Variants in MGAT4C observed in about 807,000 individuals in gnomAD.
MGAT4C encodes the protein MGAT4 family member C.
Under a neutral mutation model 40.1 loss-of-function variants are expected in MGAT4C, and 19 were observed. That is an observed-to-expected ratio of 0.47 (90% confidence interval 0.33 to 0.70). The LOEUF (loss-of-function observed/expected upper bound fraction) is 0.70, where lower values mean the gene tolerates loss of function less well. Ranked by LOEUF, MGAT4C falls within the 30% of genes least tolerant of loss-of-function variation. The pLI, the probability that MGAT4C is intolerant of heterozygous loss-of-function variation, is 0.02. For synonymous variants in MGAT4C, 181 were observed against 187.1 expected (o/e 0.97, Z 0.27); for missense variants, 491 against 563.2 (o/e 0.87, Z 1.30).
chr12:85,975,587 G>C lies in MGAT4C; in HGVS notation c.*3702C>G, dbSNP rs1883913050. On this transcript the variant is annotated 3_prime_UTR_variant, in exon 5 of 5. Coordinates refer to ENST00000611864, the MANE Select transcript of MGAT4C (RefSeq NM_001351288.2). Reference sequence around the variant, plus strand: ...AACCTTCTGTTTTGTCTCCCATGAAGACAAAAGGCATGCATATAAAATTTG... The same window carrying C: ...AACCTTCTGTTTTGTCTCCCATGAACACAAAAGGCATGCATATAAAATTTG... 6.6e-6 allele frequency: 1 copy of C among 150,804 alleles called. No individual in the cohort carries two copies. Among genetic ancestry groups the C allele is most frequent in the South Asian group, 2.1e-4 (1 of 4,828 alleles). 9.3% of individuals were successfully genotyped at this position (150,804 alleles called of 1,614,324 possible). A position where few individuals can be genotyped will look rare whatever the true frequency, so the allele number is the denominator to read the frequency against.
intron 1 of MGAT4C, among the ~76,000 whole-genome samples, chr12:86,106,040 T>C (rs1046977111): frequency 6.6e-6 from 1 of 152,182 alleles, no homozygotes; most frequent in Admixed American, 6.5e-5. Flanking sequence ...AGTGCTATAT[T>C]CTTTCTAGTT....
chr12:86,492,597 T>C (rs1958159769), intron 2 of MGAT4C, among the ~76,000 whole-genome samples: 1 of 152,196 alleles, frequency 6.6e-6, no homozygotes, highest in Admixed American at 6.5e-5. Flanking sequence ...TAGCCATATG[T>C]AGAAAGCTGA....
At chr12:86,454,122 G>T (rs1238908797) in intron 2 of MGAT4C, among the ~76,000 whole-genome samples, 1 of 152,090 alleles carries the variant, frequency 6.6e-6, no homozygotes, top group Non-Finnish European at 1.5e-5. Context: ...ATTTTTTCCA[G>T]AAAAGAAACT....
At chr12:86,125,573 A>G (rs1880093500) in intron 1 of MGAT4C, among the ~76,000 whole-genome samples, 1 of 152,192 alleles carries the variant, frequency 6.6e-6, no homozygotes, top group Non-Finnish European at 1.5e-5. Context: ...CAAACAGTAA[A>G]ACTACTAGAC....
intron 3 of MGAT4C, among the ~76,000 whole-genome samples, chr12:86,426,820 G>A (rs569389854): frequency 3.3e-5 from 5 of 152,204 alleles, no homozygotes; most frequent in South Asian, 4.1e-4. Flanking sequence ...GGTGGCGGGC[G>A]CCTGTAGTCC....
In MGAT4C at chr12:86,111,106, A is replaced by G. The variant is rs371016150; in HGVS notation, c.-56-61383T>C. On this transcript the variant is annotated intron_variant, in intron 1 of 4. Coordinates refer to ENST00000611864, the MANE Select transcript of MGAT4C (RefSeq NM_001351288.2). Reference sequence around the variant, plus strand: ...AAGTAACTTTTATAGTTTTTAAACCATAGAAAGTTTCTGGCATTTTAGGGA... The same window carrying G: ...AAGTAACTTTTATAGTTTTTAAACCGTAGAAAGTTTCTGGCATTTTAGGGA... Among the ~76,000 whole-genome samples, 13 of 151,974 alleles carry G rather than the reference A, an allele frequency of 8.6e-5. No individual in the cohort carries two copies. In the East Asian group the frequency reaches 2.1e-3, roughly 25 times the overall value.
intron 2 of MGAT4C, among the ~76,000 whole-genome samples, chr12:86,439,457 C>G (rs1268553574): frequency 6.6e-5 from 10 of 152,030 alleles, no homozygotes; most frequent in African/African-American, 2.4e-4. Context: ...TTATCAAAAC[C>G]TCTGTGATAC....
intron 2 of MGAT4C, among the ~76,000 whole-genome samples, chr12:86,684,564 G>C (rs927290131): frequency 9.2e-5 from 14 of 152,190 alleles, no homozygotes; most frequent in African/African-American, 3.4e-4. Context: ...GGATTGGTAT[G>C]TCAAATGGTA....
At position 86,474,683 on chromosome 12, in the gene MGAT4C, C is replaced by CT. The variant is rs544380561; in HGVS notation, c.-228-39419dup. 1.6e-3 allele frequency among the ~76,000 whole-genome samples: 235 copies of CT among 147,252 alleles called. 1 individual carries two copies. Among genetic ancestry groups the CT allele is most frequent in the Middle Eastern group, 7.0e-3 (2 of 286 alleles). ...TTCATACTCTGGCTTTTCAGGTTTT[C>CT]TTTTTTTTTTATAAGAAAGCCCATC... On this transcript the variant is annotated intron_variant, in intron 2 of 7. Coordinates refer to the MGAT4C transcript ENST00000548651.
chr12:86,042,068 G>T (rs550495109), intron 2 of MGAT4C, among the ~76,000 whole-genome samples: 1 of 152,104 alleles, frequency 6.6e-6, no homozygotes, highest in East Asian at 1.9e-4. Context: ...TATGTAATAC[G>T]CTTCTTTGTC....
intron 1 of MGAT4C, among the ~76,000 whole-genome samples, chr12:86,211,406 C>CAAAAAAAAAAAAAAAAAAAA (rs58874795): frequency 2.8e-5 from 1 of 35,516 alleles, no homozygotes; most frequent in Non-Finnish European, 4.5e-5. Flanking sequence ...ACTACAAATA[C>CAAAAAAAAAAAAAAAAAAAA]AAAAAAAAAA....
At chr12:86,440,867 T>C (rs895689390) in intron 2 of MGAT4C, among the ~76,000 whole-genome samples, 2 of 151,880 alleles carry the variant, frequency 1.3e-5, no homozygotes, top group Non-Finnish European at 2.9e-5. Flanking sequence ...ACTCAATCCC[T>C]TTTACAATAA....
chr12:86,643,671 A>C (rs906924130), intron 2 of MGAT4C, among the ~76,000 whole-genome samples: 4 of 151,870 alleles, frequency 2.6e-5, no homozygotes, highest in Non-Finnish European at 5.9e-5. Context: ...TAGGTTTACA[A>C]GGAGGCCTGG....
At chr12:85,985,279 T>G (rs968936925) in intron 3 of MGAT4C, among the ~76,000 whole-genome samples, 1 of 152,184 alleles carries the variant, frequency 6.6e-6, no homozygotes, top group Non-Finnish European at 1.5e-5. Context: ...ATTCAATACT[T>G]CTACTTCGCA....
At chr12:86,648,667 G>T (rs76837555) in intron 2 of MGAT4C, among the ~76,000 whole-genome samples, 1 of 151,816 alleles carries the variant, frequency 6.6e-6, no homozygotes, top group Non-Finnish European at 1.5e-5. Context: ...TGAACGTCCC[G>T]GACTCCTGAA....
At chr12:86,433,554 A>G (rs1957082749) in intron 3 of MGAT4C, among the ~76,000 whole-genome samples, 1 of 151,968 alleles carries the variant, frequency 6.6e-6, no homozygotes, top group Admixed American at 6.6e-5. Flanking sequence ...TCATGGTAAC[A>G]TAGTTAATGA....
At chr12:86,725,966 G>A (rs952051518) in intron 2 of MGAT4C, among the ~76,000 whole-genome samples, 1 of 152,108 alleles carries the variant, frequency 6.6e-6, no homozygotes, top group Non-Finnish European at 1.5e-5. Flanking sequence ...GAATAAATAT[G>A]ATAGAATACT....
chr12:86,114,721 G>A (rs1306202851), intron 1 of MGAT4C, among the ~76,000 whole-genome samples: 1 of 151,808 alleles, frequency 6.6e-6, no homozygotes, highest in Non-Finnish European at 1.5e-5. Context: ...ATTGATATTA[G>A]ATAGCTGAGA....
intron 1 of MGAT4C, among the ~76,000 whole-genome samples, chr12:86,234,674 CTCT>C (rs1320107022): frequency 6.6e-6 from 1 of 152,102 alleles, no homozygotes; most frequent in Non-Finnish European, 1.5e-5. Flanking sequence ...TTAATAACCT[CTCT>C]TTTTTCCCTT....
Sources: allele counts gnomAD v4.1 joint callset (sites outside exome capture counted in the v4.1 genomes callset), GRCh38; gene constraint gnomAD v4.1.1; transcripts MANE v1.5; gene names NCBI Gene and HGNC (gene_info 2026-07-23, HGNC 2026-07-21).